The following CNTRL variants were observed in gnomAD, a reference collection of about 807,000 sequenced individuals.
CNTRL encodes the protein 110 kDa centrosomal protein.
Under a neutral mutation model 303.7 loss-of-function variants are expected in CNTRL, and 233 were observed. The observed-to-expected ratio is 0.77, with a 90% CI of 0.69 to 0.86. CNTRL has a LOEUF of 0.86. Ranked by LOEUF, CNTRL falls within the 40% of genes least tolerant of loss-of-function variation. The pLI is 0.00. For missense variants in CNTRL, 2,524 were observed against 2,650.6 expected, an observed-to-expected ratio of 0.95 and a Z score of 1.05; for synonymous variants, 900 against 922.2, an observed-to-expected ratio of 0.98 and a Z score of 0.44.
In CNTRL at chr9:121,132,003, G is replaced by A. The variant is rs545601447; in HGVS notation, c.2026-3803G>A. Among the ~76,000 whole-genome samples, 10 of 152,342 alleles carry A rather than the reference G, an allele frequency of 6.6e-5. No individual in the cohort carries two copies. The South Asian group carries it at 1.4e-3, about 22-fold the overall frequency. On this transcript the variant is annotated intron_variant, in intron 14 of 43. Transcript: ENST00000373855. ...TTGTAGAGTTTCTGAGAGATCTGCTGTTAGTCTGATGGGCTTCCCTTTGTG... is the reference window on the plus strand; with the variant it reads ...TTGTAGAGTTTCTGAGAGATCTGCTATTAGTCTGATGGGCTTCCCTTTGTG...
At chr9:121,147,132 A>G (rs1465821413) in intron 23 of CNTRL, among the ~76,000 whole-genome samples, 9 of 152,102 alleles carry the variant, frequency 5.9e-5, no homozygotes, top group Non-Finnish European at 1.5e-5. Context: ...CCTCCTGAGT[A>G]GCTGGGATTA....
At position 121,088,446 on chromosome 9, in the gene CNTRL, A is replaced by T; in HGVS notation, c.120A>T (p.Gly40=). The change falls in exon 3 of 44, where the codon GGA becomes GGT. Residue 40 remains glycine, a synonymous_variant. Coordinates refer to ENST00000373855, the MANE Select transcript of CNTRL (RefSeq NM_007018.6). ...MRSRSLSPLI[G]SETLPFHSGG... ...CTAGGTCACTTTCACCTTTGATTGG[A>T]TCAGAGACTCTACCTTTTCATTCTG... 1 of 1,612,610 alleles carries T rather than the reference A, an allele frequency of 6.2e-7. No individual in the cohort carries two copies. The highest frequency in any genetic ancestry group is 8.5e-7 in the Non-Finnish European group (1 of 1,178,676).
chr9:121,127,860 A>T (rs7849368), intron 14 of CNTRL, among the ~76,000 whole-genome samples: 1 of 145,146 alleles, frequency 6.9e-6, no homozygotes, highest in Non-Finnish European at 1.5e-5. Context: ...TGTTCTCATT[A>T]TTCAGTTCCT....
intron 14 of CNTRL, among the ~76,000 whole-genome samples, chr9:121,130,274 T>C (rs1318040186): frequency 1.3e-5 from 2 of 152,216 alleles, no homozygotes; most frequent in Non-Finnish European, 2.9e-5. Flanking sequence ...GTTTTTTTGG[T>C]TGGTAGGCTA....
chr9:121,166,053 C>A (rs1488767762), intron 35 of CNTRL, 54 bp from the exon 36 acceptor site: 1 of 1,348,542 alleles, frequency 7.4e-7, no homozygotes, highest in African/African-American at 1.5e-5. Flanking sequence ...TAATGGGAAT[C>A]TGTACAGTAA....
chr9:121,092,327 C>G (rs2048614222), intron 4 of CNTRL, among the ~76,000 whole-genome samples: 1 of 142,490 alleles, frequency 7.0e-6, no homozygotes, highest in Non-Finnish European at 1.5e-5. Context: ...TAAATAAATA[C>G]TTACTTGTTG....
rs531502739 is a variant in CNTRL, at chr9:121,094,245, C to T, written c.349-643C>T. Among the ~76,000 whole-genome samples the T allele has an allele frequency of 2.6e-5, 4 of 152,158 alleles. No individual in the cohort carries two copies. The East Asian group carries it at 7.7e-4, about 29-fold the overall frequency. ...AAGAGTAAAGATTTCTTTGGCTCAC[C>T]GTTCTGGAGGCTGGGAAGTTCAAGA... is the stretch of plus-strand genomic sequence containing the variant. On this transcript the variant is annotated intron_variant, in intron 4 of 43. Coordinates refer to ENST00000373855, the MANE Select transcript of CNTRL (RefSeq NM_007018.6).
At chr9:121,084,469 G>A (rs2048267394) in intron 2 of CNTRL, among the ~76,000 whole-genome samples, 1 of 151,510 alleles carries the variant, frequency 6.6e-6, no homozygotes, top group Admixed American at 6.6e-5. Context: ...GGCTCTGTTC[G>A]AGGCCTACAG....
At position 121,115,129 on chromosome 9, in the gene CNTRL, A is replaced by G; in HGVS notation, c.1384A>G (p.Lys462Glu). 6.2e-7 allele frequency: 1 copy of G among 1,611,570 alleles called. No individual in the cohort carries two copies. Among genetic ancestry groups the G allele is most frequent in the Non-Finnish European group, 8.5e-7 (1 of 1,178,784 alleles). The change falls in exon 11 of 44, where the codon AAG (lysine) becomes GAG (glutamate). Residue 462 changes from lysine to glutamate, a missense_variant. By Grantham distance (56) the Lys-to-Glu change is moderately conservative (BLOSUM62 1). Transcript: ENST00000373855. The part of the protein sequence containing the change: ...RLSELHDEIE[K>E]AEQQILRATE... The stretch of plus-strand genomic sequence containing the variant: ...ATCAGAACTGCATGATGAAATAGAA[A>G]AGGCAGAACAACAAATTTTGAGAGC...
intron 14 of CNTRL, among the ~76,000 whole-genome samples, chr9:121,128,093 C>T (rs1018700149): frequency 1.6e-4 from 24 of 152,106 alleles, no homozygotes; most frequent in Admixed American, 3.9e-4. Context: ...TGAATAGTGC[C>T]GCAATAAACA....
rs978409758 is a variant in CNTRL, at chr9:121,141,185, G to A, written c.2484-196G>A. Among the ~76,000 whole-genome samples the A allele has an allele frequency of 2.6e-5, 4 of 152,288 alleles. No homozygotes were observed. In the East Asian group the frequency reaches 7.7e-4, roughly 29 times the overall value. The stretch of plus-strand genomic sequence containing the variant: ...AGCAAATATTGTTAGCCTGATATGA[G>A]CCTATGTTTTCAGAGTGGCAGCAGT... On this transcript the variant is annotated intron_variant, in intron 17 of 43. Coordinates refer to ENST00000373855, the MANE Select transcript of CNTRL (RefSeq NM_007018.6).
At chr9:121,091,371 C>A (rs905251479) in intron 4 of CNTRL, among the ~76,000 whole-genome samples, 1 of 151,964 alleles carries the variant, frequency 6.6e-6, no homozygotes, top group Non-Finnish European at 1.5e-5. Flanking sequence ...CACCAAGTAA[C>A]AGAAATGCTA....
Position 121,125,757 on chromosome 9 carries a change from GGT to G in CNTRL, c.1849_1850del (p.Val617TyrfsTer12). ...TGAAGCCCTGAAGAAGGATTTAGAA[GGT>G]GTTATCAGTGGGTTGCAAGAATACC... is the stretch of plus-strand genomic sequence containing the variant. ...ANEALKKDLE[G>X]VISGLQEYLG... is the part of the protein sequence containing the mutation. On this transcript the variant is annotated frameshift_variant, in exon 14 of 44. Coordinates refer to ENST00000373855, the MANE Select transcript of CNTRL (RefSeq NM_007018.6). LOFTEE classifies it high-confidence loss of function. The G allele has an allele frequency of 6.2e-7, 1 of 1,614,184 alleles. No homozygotes were observed. Among genetic ancestry groups the G allele is most frequent in the African/African-American group, 1.3e-5 (1 of 75,052 alleles).
chr9:121,128,095 CA>C (rs1361814816), intron 14 of CNTRL, among the ~76,000 whole-genome samples: 1 of 152,084 alleles, frequency 6.6e-6, no homozygotes, highest in African/African-American at 2.4e-5. Context: ...AATAGTGCCG[CA>C]ATAAACACAT....
Position 121,143,928 on chromosome 9 carries a change from A to G in CNTRL, c.2897A>G (p.Gln966Arg), listed in dbSNP as rs146716084. The part of the protein sequence containing the change: ...KKKKLEDAKS[Q>R]EQVFGLDKEL... ...AAGAAACTTGAAGATGCCAAATCTC[A>G]GGAGCAAGTTTTTGGTTTAGATAAA... Residue 966 changes from glutamine to arginine, a missense_variant, in exon 20 of 44, where the codon CAG (glutamine) becomes CGG (arginine). Coordinates refer to ENST00000373855, the MANE Select transcript of CNTRL (RefSeq NM_007018.6). The G allele has an allele frequency of 3.1e-6, 5 of 1,598,392 alleles. No homozygotes were observed. The highest frequency in any genetic ancestry group is 4.3e-6 in the Non-Finnish European group (5 of 1,175,918).
In CNTRL at chr9:121,161,933, G is replaced by T; in HGVS notation, c.5167G>T (p.Val1723Leu). 1.9e-6 allele frequency: 3 copies of T among 1,614,144 alleles called. No homozygotes were observed. Among genetic ancestry groups the T allele is most frequent in the Non-Finnish European group, 2.5e-6 (3 of 1,180,000 alleles). Residue 1723 changes from valine (V) to leucine (L), a missense_variant, in exon 33 of 44, where the codon GTA (valine) becomes TTA (leucine). Physicochemically the swap from Val to Leu is conservative, Grantham distance 32. Coordinates refer to ENST00000373855, the MANE Select transcript of CNTRL (RefSeq NM_007018.6). ...QGLKLQHDQRVSELEKTQVAV... is the reference protein window; with the variant it reads ...QGLKLQHDQRLSELEKTQVAV... ...TTTGAAGCTACAACATGACCAAAGGGTATCTGAATTAGAGAAGACTCAGGT... is the reference window on the plus strand; with the variant it reads ...TTTGAAGCTACAACATGACCAAAGGTTATCTGAATTAGAGAAGACTCAGGT...
In CNTRL at chr9:121,088,338, T is replaced by C; in HGVS notation, c.12T>C (p.Gly4=). The change falls in exon 3 of 44, where the codon GGT becomes GGC. Residue 4 remains glycine (G), a synonymous_variant. Coordinates refer to ENST00000373855, the MANE Select transcript of CNTRL (RefSeq NM_007018.6). MKK[G]SQQKIFSKAK... ...GCTTTATTCTTGCAATGAAGAAAGG[T>C]TCTCAACAAAAAATATTCTCCAAAG... The C allele has an allele frequency of 6.2e-7, 1 of 1,610,538 alleles. No individual in the cohort carries two copies.
In CNTRL at chr9:121,166,147, T is replaced by G. The variant is rs779816873; in HGVS notation, c.5622T>G (p.Ala1874=). 10 of 1,612,516 alleles carry G rather than the reference T, an allele frequency of 6.2e-6. No homozygotes were observed. The highest frequency in any genetic ancestry group is 2.5e-6 in the Non-Finnish European group (3 of 1,179,574). ...EAVNSLQEEL[A]NVQDHLNLAK... Reference sequence around the variant, plus strand: ...TAAACTCACTGCAGGAGGAACTAGCTAATGTCCAAGACCATTTGAACCTAG... The same window carrying G: ...TAAACTCACTGCAGGAGGAACTAGCGAATGTCCAAGACCATTTGAACCTAG... Residue 1874 remains alanine, a synonymous_variant, in exon 36 of 44, where the codon GCT becomes GCG. Transcript: ENST00000373855.
chr9:121,157,724 A>C lies in CNTRL; in HGVS notation c.4497-16A>C. 2 of 1,612,962 alleles carry C rather than the reference A, an allele frequency of 1.2e-6. No individual in the cohort carries two copies. The highest frequency in any genetic ancestry group is 1.7e-6 in the Non-Finnish European group (2 of 1,179,624). ...AAGTCTACAGGACCTGGGGGGAATAAAGCAATGTGCTTTAGATCGCTCCAG... is the reference window on the plus strand; with the variant it reads ...AAGTCTACAGGACCTGGGGGGAATACAGCAATGTGCTTTAGATCGCTCCAG... On this transcript the variant is annotated splice_polypyrimidine_tract_variant and intron_variant, in intron 28 of 43. Transcript: ENST00000373855.
Sources: gnomAD v4.1 joint callset for allele counts (sites outside exome capture counted in the v4.1 genomes callset) on GRCh38, gnomAD v4.1.1 for gene constraint, MANE v1.5 for transcripts, NCBI Gene and HGNC (gene_info 2026-07-23, HGNC 2026-07-21) for gene names.